SPEN: variants seen among roughly 807,000 people sequenced by gnomAD.
SPEN encodes the protein msx2-interacting protein.
A neutral mutation model predicts 269.9 loss-of-function variants in SPEN; 18 were observed. That is an observed-to-expected ratio of 0.07 (90% CI 0.05 to 0.10). The LOEUF is 0.10. Ranked by LOEUF, SPEN falls within the 10% of genes least tolerant of loss-of-function variation. The pLI, the probability that SPEN is intolerant of heterozygous loss-of-function variation, is 1.00. For synonymous variants in SPEN, 1,726 were observed against 1,765.7 expected (o/e 0.98, Z 0.56); for missense variants, 3,822 against 4,631.2 (o/e 0.83, Z 5.07).
At position 15,936,004 on chromosome 1, in the gene SPEN, C is replaced by G; in HGVS notation, c.9764C>G (p.Pro3255Arg). ...PTPAPVPVPV[P>R]LPAPAPAPHG... ...CCTGCCCCCGTCCCTGTCCCTGTCCCCCTTCCTGCCCCTGCTCCTGCCCCT... is the reference window on the plus strand; with the variant it reads ...CCTGCCCCCGTCCCTGTCCCTGTCCGCCTTCCTGCCCCTGCTCCTGCCCCT... The change falls in exon 11 of 15, where the codon CCC becomes CGC. Residue 3255 changes from proline (P) to arginine (R), a missense_variant. By Grantham distance (103) the Pro-to-Arg change is moderately radical. Transcript: ENST00000375759. The G allele has an allele frequency of 6.3e-7, 1 of 1,588,456 alleles. No homozygotes were observed. Among genetic ancestry groups the G allele is most frequent in the Non-Finnish European group, 8.6e-7 (1 of 1,166,714 alleles).
In SPEN at chr1:15,876,555, A is replaced by G; in HGVS notation, c.758A>G (p.Gln253Arg). The change falls in exon 3 of 15, where the codon CAG becomes CGG. Residue 253 changes from glutamine to arginine, a missense_variant. Physicochemically the swap from Gln to Arg is conservative, Grantham distance 43 (BLOSUM62 1). Around this residue, in one of 16 missense-constraint regions of SPEN, gnomAD observed 327 missense variants for 350.8 expected, o/e 0.93. Coordinates refer to ENST00000375759, the MANE Select transcript of SPEN (RefSeq NM_015001.3). ...RSPHSSQSRN[Q>R]SPQRLASQAS... ...CCACATTCATCCCAGTCTAGAAATC[A>G]GTCTCCTCAGAGACTGGCTAGCCAA... The G allele has an allele frequency of 6.2e-7, 1 of 1,614,168 alleles. No individual in the cohort carries two copies. Among genetic ancestry groups the G allele is most frequent in the Non-Finnish European group, 8.5e-7 (1 of 1,180,038 alleles).
At position 15,928,595 on chromosome 1, in the gene SPEN, T is replaced by C. The variant is rs187376013; in HGVS notation, c.2355T>C (p.Tyr785=). 8.7e-5 allele frequency: 141 copies of C among 1,613,958 alleles called. No homozygotes were observed. The East Asian group carries it at 2.9e-3, about 33-fold the overall frequency. Residue 785 remains tyrosine, a synonymous_variant, in exon 11 of 15, where the codon TAT becomes TAC. Coordinates refer to ENST00000375759, the MANE Select transcript of SPEN (RefSeq NM_015001.3). The surrounding 1 kb of genome is among the most constrained non-coding windows in gnomAD (Gnocchi z 5.7). ...EKLDKSRLER[Y]TKNEKTDKER... ...TGGACAAGTCTCGTTTGGAGCGCTA[T>C]ACAAAAAATGAAAAGACAGATAAAG...
Position 15,874,198 on chromosome 1 carries a change from T to A in SPEN, c.404+1062T>A, listed in dbSNP as rs758686052. On this transcript the variant is annotated intron_variant, in intron 2 of 14. Coordinates refer to ENST00000375759, the MANE Select transcript of SPEN (RefSeq NM_015001.3). ...AGAGTTACAGTTTGTCTGGGACTAC[T>A]TGCTTCCAGTGGAATTATTTTGTCT... 6 of 1,366,502 alleles carry A rather than the reference T, an allele frequency of 4.4e-6. No individual in the cohort carries two copies. The East Asian group carries it at 2.7e-4, about 62-fold the overall frequency. 84.6% of individuals were successfully genotyped at this position (1,366,502 alleles called of 1,614,324 possible). A position where few individuals can be genotyped will look rare whatever the true frequency, so the allele number is the denominator to read the frequency against.
At chr1:15,876,989 T>G (rs2070637751) in intron 3 of SPEN, among the ~76,000 whole-genome samples, 1 of 152,210 alleles carries the variant, frequency 6.6e-6, no homozygotes, top group African/African-American at 2.4e-5. Context: ...ATGGTATCTC[T>G]TTAACATTTT....
At position 15,909,428 on chromosome 1, in the gene SPEN, A is replaced by G. The variant is rs749476387; in HGVS notation, c.989A>G (p.Glu330Gly). 7.4e-6 allele frequency: 12 copies of G among 1,614,092 alleles called. No homozygotes were observed. In the Admixed American group the frequency reaches 2.0e-4, roughly 27 times the overall value. Residue 330 changes from glutamate to glycine, a missense_variant, in exon 4 of 15, where the codon GAG (glutamate) becomes GGG (glycine). Glu to Gly is a moderately conservative substitution (Grantham distance 98, BLOSUM62 -2). This residue lies in a region of SPEN where 230 missense variants were observed against 426.1 expected (regional missense o/e 0.54). Coordinates refer to ENST00000375759, the MANE Select transcript of SPEN (RefSeq NM_015001.3). Reference protein sequence around the residue: ...SQLLSSLEKDEPRKSFGIKVQ... With the variant: ...SQLLSSLEKDGPRKSFGIKVQ... ...TTGCTTTCATCTCTGGAAAAAGATGAGCCCCGTAAAAGTTTTGGCATCAAG... is the reference window on the plus strand; with the variant it reads ...TTGCTTTCATCTCTGGAAAAAGATGGGCCCCGTAAAAGTTTTGGCATCAAG...
intron 1 of SPEN, among the ~76,000 whole-genome samples, chr1:15,869,750 G>C (rs550288783): frequency 1.3e-5 from 2 of 152,136 alleles, no homozygotes; most frequent in Admixed American, 1.3e-4. Context: ...ACCACGTGGC[G>C]TGTTGTCTCT....
intron 3 of SPEN, among the ~76,000 whole-genome samples, chr1:15,888,681 G>T (rs1179847466): frequency 6.6e-6 from 1 of 151,314 alleles, no homozygotes; most frequent in Non-Finnish European, 1.5e-5. Context: ...TGCCCAGGCT[G>T]GAGTACAATG....
intron 3 of SPEN, among the ~76,000 whole-genome samples, chr1:15,882,218 T>C (rs553819605): frequency 5.9e-5 from 9 of 152,304 alleles, no homozygotes; most frequent in African/African-American, 2.2e-4. Context: ...GTCATGGCCG[T>C]TTATTGAGCC....
At chr1:15,851,132 A>C (rs540286033) in intron 1 of SPEN, among the ~76,000 whole-genome samples, 2 of 152,268 alleles carry the variant, frequency 1.3e-5, no homozygotes, top group African/African-American at 4.8e-5. Context: ...TTATTTTTAA[A>C]TTTACATTCT....
chr1:15,931,559 G>A lies in SPEN; in HGVS notation c.5319G>A (p.Lys1773=). ...AQKSEEANEP[K]AEKPDATADA... The stretch of plus-strand genomic sequence containing the variant: ...AGTCTGAGGAAGCCAATGAGCCAAA[G>A]GCCGAAAAGCCAGACGCCACTGCAG... The change falls in exon 11 of 15, where the codon AAG becomes AAA. Residue 1773 remains lysine, a synonymous_variant. Coordinates refer to ENST00000375759, the MANE Select transcript of SPEN (RefSeq NM_015001.3). The surrounding 1 kb of genome is among the most constrained non-coding windows in gnomAD (Gnocchi z 4.8). 1 of 1,614,144 alleles carries A rather than the reference G, an allele frequency of 6.2e-7. No homozygotes were observed. The highest frequency in any genetic ancestry group is 8.5e-7 in the Non-Finnish European group (1 of 1,180,016).
At chr1:15,923,597 G>T (rs977135847) in intron 10 of SPEN, among the ~76,000 whole-genome samples, 3 of 151,332 alleles carry the variant, frequency 2.0e-5, no homozygotes, top group African/African-American at 7.3e-5. Flanking sequence ...ATTCATTTTT[G>T]TTTAAATGAT....
At position 15,937,468 on chromosome 1, in the gene SPEN, A is replaced by G. The variant is rs1376765642; in HGVS notation, c.10332A>G (p.Pro3444=). 5 of 1,613,788 alleles carry G rather than the reference A, an allele frequency of 3.1e-6. No homozygotes were observed. Among genetic ancestry groups the G allele is most frequent in the Non-Finnish European group, 4.2e-6 (5 of 1,180,000 alleles). The change falls in exon 12 of 15, where the codon CCA becomes CCG. Residue 3444 remains proline (P), a synonymous_variant. Coordinates refer to ENST00000375759, the MANE Select transcript of SPEN (RefSeq NM_015001.3). This position sits in a 1 kb window ranked among gnomAD's most constrained non-coding sequence, Gnocchi z 5.7. ...PVSVSMKPDL[P]VSLPTQTAPK... ...CTGTCTCCATGAAGCCTGACCTTCCAGTCTCTCTTCCCACTCAGACTGCCC... is the reference window on the plus strand; with the variant it reads ...CTGTCTCCATGAAGCCTGACCTTCCGGTCTCTCTTCCCACTCAGACTGCCC...
Position 15,934,350 on chromosome 1 carries a change from G to T in SPEN, c.8110G>T (p.Val2704Leu). 6.2e-7 allele frequency: 1 copy of T among 1,613,594 alleles called. No individual in the cohort carries two copies. The highest frequency in any genetic ancestry group is 8.5e-7 in the Non-Finnish European group (1 of 1,180,044). The change falls in exon 11 of 15, where the codon GTG becomes TTG. Residue 2704 changes from valine (V) to leucine (L), a missense_variant. Around this residue, in one of 16 missense-constraint regions of SPEN, gnomAD observed 329 missense variants for 431.2 expected, o/e 0.76. Transcript: ENST00000375759. This position sits in a 1 kb window ranked among gnomAD's most constrained non-coding sequence, Gnocchi z 9.2. ...KGPVNVLTGP[V>L]NVLTTPVNAT... ...GCCTGTGAATGTTCTTACGGGGCCA[G>T]TGAATGTTCTCACCACTCCAGTGAA...
chr1:15,908,080 T>G (rs2070976824), intron 3 of SPEN, among the ~76,000 whole-genome samples: 1 of 152,202 alleles, frequency 6.6e-6, no homozygotes, highest in African/African-American at 2.4e-5. Flanking sequence ...TAATATTTAT[T>G]CATTAGTCCT....
chr1:15,928,597 C>G lies in SPEN; in HGVS notation c.2357C>G (p.Thr786Arg). The change falls in exon 11 of 15, where the codon ACA becomes AGA. Residue 786 changes from threonine (T) to arginine (R), a missense_variant. Physicochemically the swap from Thr to Arg is moderately conservative, Grantham distance 71 (BLOSUM62 -1). This residue lies in a region of SPEN where 572 missense variants were observed against 582.6 expected (regional missense o/e 0.98). Transcript: ENST00000375759. This position sits in a 1 kb window ranked among gnomAD's most constrained non-coding sequence, Gnocchi z 5.7. ...GACAAGTCTCGTTTGGAGCGCTATA[C>G]AAAAAATGAAAAGACAGATAAAGAA... The part of the protein sequence containing the change: ...KLDKSRLERY[T>R]KNEKTDKERT... The G allele has an allele frequency of 6.2e-7, 1 of 1,613,826 alleles. No homozygotes were observed. Among genetic ancestry groups the G allele is most frequent in the Non-Finnish European group, 8.5e-7 (1 of 1,179,994 alleles).
At chr1:15,860,409 GTGTGTGTGT>G (rs2070433804) in intron 1 of SPEN, among the ~76,000 whole-genome samples, 1 of 144,884 alleles carries the variant, frequency 6.9e-6, no homozygotes, top group African/African-American at 2.7e-5. Context: ...GTGTGTGTGT[GTGTGTGTGT>G]ATGTGTAGCT....
Position 15,910,855 on chromosome 1 carries a change from A to G in SPEN, c.1043-246A>G, listed in dbSNP as rs1003475810. The stretch of plus-strand genomic sequence containing the variant: ...TAGAGCTTTTTTGTTTGAAAAAGTA[A>G]TGTTTTAATGACAATAAAATTTAAG... On this transcript the variant is annotated intron_variant, in intron 4 of 14. Coordinates refer to ENST00000375759, the MANE Select transcript of SPEN (RefSeq NM_015001.3). Among the ~76,000 whole-genome samples, 6 of 152,160 alleles carry G rather than the reference A, an allele frequency of 3.9e-5. No homozygotes were observed. The South Asian group carries it at 8.3e-4, about 21-fold the overall frequency.
chr1:15,900,681 A>G lies in SPEN; in HGVS notation c.882-8640A>G, dbSNP rs1341145364. Among the ~76,000 whole-genome samples the G allele has an allele frequency of 2.6e-5, 4 of 152,224 alleles. No homozygotes were observed. In the East Asian group the frequency reaches 5.8e-4, roughly 22 times the overall value. On this transcript the variant is annotated intron_variant, in intron 3 of 14. Coordinates refer to ENST00000375759, the MANE Select transcript of SPEN (RefSeq NM_015001.3). ...CATTAGTAATGAGGAAGAATAATCA[A>G]TGTTAAGGATCCTGCGTTTGGATTG...
intron 3 of SPEN, among the ~76,000 whole-genome samples, chr1:15,889,150 C>CTTTCT (rs1273081666): frequency 7.3e-6 from 1 of 136,900 alleles, no homozygotes; most frequent in East Asian, 2.0e-4. Flanking sequence ...CATTTTCTTT[C>CTTTCT]TTTCTTTTCT....
Sources: allele counts gnomAD v4.1 joint callset (sites outside exome capture counted in the v4.1 genomes callset), GRCh38; gene constraint gnomAD v4.1.1; regional missense constraint gnomAD v4.1.1; non-coding constraint Gnocchi (gnomAD v3.1); transcripts MANE v1.5; gene names NCBI Gene and HGNC (gene_info 2026-07-23, HGNC 2026-07-21).